PAM: variants seen among roughly 807,000 people sequenced by gnomAD.
PAM encodes the protein peptidylglycine alpha-amidating monooxygenase, also known as peptidyl-glycine alpha-amidating monooxygenase.
In PAM, 72 loss-of-function variants were observed where a neutral mutation model predicts 122.1. The ratio of observed to expected loss-of-function variants is 0.59; its 90% CI spans 0.49 to 0.72. The LOEUF (loss-of-function observed/expected upper bound fraction) is 0.72. Among genes scored for constraint, PAM ranks in the 30% least tolerant of loss-of-function variants. PAM has a pLI of 0.00. For missense variants in PAM, 1,106 were observed against 1,183.7 expected (o/e 0.93, Z 0.96); for synonymous variants, 389 against 404.4 (o/e 0.96, Z 0.46).
At chr5:102,964,522 A>T (rs1389742635) in intron 14 of PAM, among the ~76,000 whole-genome samples, 4 of 151,920 alleles carry the variant, frequency 2.6e-5, no homozygotes, top group African/African-American at 9.7e-5. Flanking sequence ...CAACAATAGG[A>T]AACATTTTAA....
At chr5:102,838,197 T>C (rs906223385) in intron 1 of PAM, 1 of 151,976 alleles carries the variant, frequency 6.6e-6, no homozygotes, top group Non-Finnish European at 1.5e-5. Context: ...TATCATGGCA[T>C]TTTTTTTCTC....
chr5:102,787,926 A>G (rs1016385605), intron 1 of PAM, among the ~76,000 whole-genome samples: 2 of 152,210 alleles, frequency 1.3e-5, no homozygotes, highest in Middle Eastern at 3.4e-3. Context: ...GGTTGCTGCT[A>G]TCATTATTGG....
At chr5:103,000,623 T>C (rs886916654) in intron 16 of PAM, among the ~76,000 whole-genome samples, 15 of 152,216 alleles carry the variant, frequency 9.9e-5, no homozygotes, top group African/African-American at 3.6e-4. Context: ...AGAAGTTTAA[T>C]TGACTTACAG....
In PAM at chr5:102,988,700, AG is replaced by A. The variant is rs879700647; in HGVS notation, c.1484-1571del. ...AGGGAAAAGAAAGAAGGAAAGAAAGAGAAAGAGAAAGAAAGAAAAGAAAAAA... is the reference window on the plus strand; with the variant it reads ...AGGGAAAAGAAAGAAGGAAAGAAAGAAAAGAGAAAGAAAGAAAAGAAAAAA... On this transcript the variant is annotated intron_variant, in intron 15 of 25. Coordinates refer to ENST00000438793, the MANE Select transcript of PAM (RefSeq NM_001177306.2). Among the ~76,000 whole-genome samples, 979 of 132,804 alleles carry A rather than the reference AG, an allele frequency of 7.4e-3. 9 individuals carry two copies. Among genetic ancestry groups the A allele is most frequent in the Non-Finnish European group, 0.014 (808 of 59,570 alleles). 87.1% of individuals were successfully genotyped at this position (132,804 alleles called of 152,430 possible).
chr5:102,945,701 C>G (rs1756823203), intron 7 of PAM, among the ~76,000 whole-genome samples: 1 of 152,044 alleles, frequency 6.6e-6, no homozygotes, highest in Non-Finnish European at 1.5e-5. Flanking sequence ...ATAAGTCTAT[C>G]CAGCTGGCTT....
intron 1 of PAM, among the ~76,000 whole-genome samples, chr5:102,795,213 G>A (rs200952662): frequency 0.011 from 867 of 81,856 alleles, 4 homozygotes; most frequent in East Asian, 0.044. Context: ...AAAAAAAAAA[G>A]AAGAGAAGAA....
Position 102,755,359 on chromosome 5 carries a change from T to C in PAM, c.-374+11T>C, listed in dbSNP as rs888802. The C allele has an allele frequency of 0.029, 4,390 of 152,254 alleles. 110 individuals are homozygous for C. The highest frequency in any genetic ancestry group is 0.14 in the East Asian group (703 of 5,112). 9.4% of individuals were successfully genotyped at this position (152,254 alleles called of 1,614,324 possible). The stretch of plus-strand genomic sequence containing the variant: ...CCCGTGGTCGCGCAGGTTGGTGTTG[T>C]TGCCGCTGCTGCCGCCACTGCGAGG... On this transcript the variant is annotated intron_variant, in intron 1 of 25. Coordinates refer to ENST00000438793, the MANE Select transcript of PAM (RefSeq NM_001177306.2).
At chr5:102,792,799 C>G (rs1217346832) in intron 1 of PAM, among the ~76,000 whole-genome samples, 1 of 152,194 alleles carries the variant, frequency 6.6e-6, no homozygotes, top group Non-Finnish European at 1.5e-5. Context: ...GCTCCTACCA[C>G]AGTTATTATG....
intron 4 of PAM, among the ~76,000 whole-genome samples, chr5:102,904,277 TTTTA>T (rs1197786917): frequency 6.6e-6 from 1 of 151,578 alleles, no homozygotes; most frequent in Non-Finnish European, 1.5e-5. Flanking sequence ...TTTTAATTAT[TTTTA>T]TTTCTCATAG....
chr5:103,011,907 A>G (rs113093978), intron 21 of PAM, among the ~76,000 whole-genome samples: 5 of 152,250 alleles, frequency 3.3e-5, no homozygotes, highest in African/African-American at 1.2e-4. Context: ...TTTTCTCCAC[A>G]TCCTCATCAG....
chr5:103,002,512 A>G lies in PAM; in HGVS notation c.1614-521A>G, dbSNP rs1331395476. Among the ~76,000 whole-genome samples the G allele has an allele frequency of 2.0e-5, 3 of 152,068 alleles. No homozygotes were observed. The East Asian group carries it at 5.8e-4, about 29-fold the overall frequency. ...TTAAATACTTTGAACATCCTCTTTT[A>G]TATCTCTATAATATGTATATGCATG... On this transcript the variant is annotated intron_variant, in intron 16 of 25. Coordinates refer to ENST00000438793, the MANE Select transcript of PAM (RefSeq NM_001177306.2).
intron 17 of PAM, among the ~76,000 whole-genome samples, chr5:103,004,069 C>T (rs1778206569): frequency 6.6e-6 from 1 of 152,190 alleles, no homozygotes; most frequent in South Asian, 2.1e-4. Flanking sequence ...TTATACCCTT[C>T]TCCATCTGCT....
At chr5:102,777,306 C>T (rs1486638681) in intron 1 of PAM, among the ~76,000 whole-genome samples, 2 of 152,114 alleles carry the variant, frequency 1.3e-5, no homozygotes, top group East Asian at 1.9e-4. Flanking sequence ...TGCAAACATT[C>T]ACTTCTACTA....
rs1554089984 is a variant in PAM at position 102,863,001 on chromosome 5, T to TTA, written c.-373-2822_-373-2821insTA. Reference sequence around the variant, plus strand: ...AAATGCCAGCTATCTTTTTTTTTTTTAAAAAAAAATGAAAATTAGAGGGAA... The same window carrying TTA: ...AAATGCCAGCTATCTTTTTTTTTTTTTAAAAAAAAAATGAAAATTAGAGGGAA... On this transcript the variant is annotated intron_variant, in intron 1 of 25. Coordinates refer to ENST00000438793, the MANE Select transcript of PAM (RefSeq NM_001177306.2). 4.8e-3 allele frequency among the ~76,000 whole-genome samples: 699 copies of TTA among 146,356 alleles called. 24 individuals are homozygous for TTA. Among genetic ancestry groups the TTA allele is most frequent in the African/African-American group, 0.017 (621 of 37,110 alleles).
intron 1 of PAM, among the ~76,000 whole-genome samples, chr5:102,813,642 A>G (rs1042077052): frequency 6.6e-6 from 1 of 152,212 alleles, no homozygotes; most frequent in African/African-American, 2.4e-5. Context: ...GAAACTGTTT[A>G]TGAAGAAAGT....
At chr5:102,775,423 T>A (rs1379250427) in intron 1 of PAM, among the ~76,000 whole-genome samples, 1 of 152,054 alleles carries the variant, frequency 6.6e-6, no homozygotes, top group African/African-American at 2.4e-5. Context: ...ATGGTTTGCT[T>A]CACCTATCAA....
Position 103,017,619 on chromosome 5 carries a change from C to T in PAM, c.2431+186C>T, listed in dbSNP as rs556326950. On this transcript the variant is annotated intron_variant, in intron 22 of 25. Transcript: ENST00000438793. ...GAAAGAAACGATTTTTTTGCTGGCA[C>T]TTATCCCCTTGTTTCCACAGGAAAT... Among the ~76,000 whole-genome samples the T allele has an allele frequency of 1.4e-4, 22 of 152,272 alleles. No individual in the cohort carries two copies. The East Asian group carries it at 4.0e-3, about 28-fold the overall frequency.
Position 103,029,166 on chromosome 5 carries a change from C to A in PAM, c.*101C>A. ...TCTGTGTATTTAATTGTAAACTGTA[C>A]TAGTCTGTGTGGGACTGTACACACT... On this transcript the variant is annotated 3_prime_UTR_variant, in exon 26 of 26. Transcript: ENST00000438793. The A allele has an allele frequency of 1.0e-6, 1 of 972,960 alleles. No homozygotes were observed. The highest frequency in any genetic ancestry group is 1.5e-6 in the Non-Finnish European group (1 of 659,036). The allele number at this position is 972,960 out of a possible 1,614,324, so 60.3% of individuals were successfully genotyped here.
intron 14 of PAM, among the ~76,000 whole-genome samples, chr5:102,970,849 C>T (rs756777275): frequency 3.3e-5 from 5 of 151,850 alleles, no homozygotes; most frequent in African/African-American, 7.3e-5. Flanking sequence ...CTCTGTCTCC[C>T]GGGCTGGAGT....
Sources: allele counts gnomAD v4.1 joint callset (sites outside exome capture counted in the v4.1 genomes callset), GRCh38; gene constraint gnomAD v4.1.1; transcripts MANE v1.5; gene names NCBI Gene and HGNC (gene_info 2026-07-23, HGNC 2026-07-21).